The following TEX9 variants were observed in gnomAD, a reference collection of about 807,000 sequenced individuals.
The protein encoded by TEX9 is testis-expressed protein 9.
In TEX9, 74 loss-of-function variants were observed where a neutral mutation model predicts 59.6. That is an observed-to-expected ratio of 1.24 (90% CI 1.03 to 1.51). The LOEUF (loss-of-function observed/expected upper bound fraction) is 1.51, where lower values mean the gene tolerates loss of function less well. Ranked by LOEUF, TEX9 falls within the 40% of genes most tolerant of loss-of-function variation. The pLI, the probability that TEX9 is intolerant of heterozygous loss-of-function variation, is 0.00. For missense variants in TEX9, 522 were observed against 447.8 expected (o/e 1.17, Z -1.49); for synonymous variants, 186 against 152.2 (o/e 1.22, Z -1.64).
At chr15:56,433,605 A>ATAAC (rs1289713447) in intron 12 of TEX9, among the ~76,000 whole-genome samples, 6 of 152,068 alleles carry the variant, frequency 3.9e-5, no homozygotes, top group Non-Finnish European at 7.4e-5. Flanking sequence ...GATTATTATA[A>ATAAC]TAACTTACTT....
intron 1 of TEX9, among the ~76,000 whole-genome samples, chr15:56,309,673 G>A (rs1028824491): frequency 7.8e-6 from 1 of 128,052 alleles, no homozygotes; most frequent in Admixed American, 8.3e-5. Flanking sequence ...AAGCATCTGG[G>A]CCTGGGATTT....
chr15:56,409,846 C>T (rs951078090), intron 9 of TEX9: 6 of 152,252 alleles, frequency 3.9e-5, no homozygotes, highest in Admixed American at 2.6e-4. Flanking sequence ...TGGAAGACTT[C>T]CCTGACCACT....
exon 8 of TEX9, chr15:56,394,169 A>G (rs745990998): frequency 2.5e-6 from 4 of 1,607,666 alleles, no homozygotes; most frequent in Middle Eastern, 1.7e-4. Context: ...TCACAGAAGC[A>G]CAGATCAGAT....
At chr15:56,412,230 G>C (rs2049389121) in intron 9 of TEX9, 72 bp from the exon 10 acceptor site, 1 of 1,416,130 alleles carries the variant, frequency 7.1e-7, no homozygotes, top group East Asian at 2.4e-5. Flanking sequence ...GGATATGGAA[G>C]ATACTGCAAA....
intron 1 of TEX9, among the ~76,000 whole-genome samples, chr15:56,290,470 T>C (rs1211569676): frequency 6.6e-6 from 1 of 152,038 alleles, no homozygotes. Context: ...TTTTTTTCAA[T>C]ACAGGTCTTG....
chr15:56,329,248 G>T (rs1447241463), intron 1 of TEX9, among the ~76,000 whole-genome samples: 1 of 152,108 alleles, frequency 6.6e-6, no homozygotes, highest in Admixed American at 6.6e-5. Context: ...CCTAATGCAG[G>T]TATGGCTTAG....
chr15:56,373,596 C>T (rs111882350), intron 3 of TEX9, 92 bp downstream of exon 3: 12 of 1,014,216 alleles, frequency 1.2e-5, no homozygotes, highest in African/African-American at 1.7e-5. Flanking sequence ...AAACACTAGC[C>T]AAAGCATGTG....
chr15:56,434,446 T>G, intron 12 of TEX9: 1 of 1,525,028 alleles, frequency 6.6e-7, no homozygotes, highest in Non-Finnish European at 8.9e-7. Context: ...TTACACCAGA[T>G]TTATAAGGAA....
rs2682061 is a variant in TEX9 at position 56,271,290 on chromosome 15, A to T, written c.-107+27012A>T. ...GGTATACCAATCAAACGTAGATTTG[A>T]TCTTTTCACATAGTCCCATATTTCT... On this transcript the variant is annotated intron_variant, in intron 1 of 5. Transcript: ENST00000560827. 5.8e-4 allele frequency among the ~76,000 whole-genome samples: 89 copies of T among 152,286 alleles called. 2 individuals are homozygous for T. The highest frequency in any genetic ancestry group is 4.4e-3 in the South Asian group (21 of 4,814).
intron 1 of TEX9, among the ~76,000 whole-genome samples, chr15:56,261,909 G>T (rs1378981265): frequency 6.6e-6 from 1 of 152,180 alleles, no homozygotes; most frequent in East Asian, 1.9e-4. Flanking sequence ...CACTGCTGTG[G>T]CTCACTGGAT....
At chr15:56,277,112 G>A (rs1243443341) in intron 1 of TEX9, among the ~76,000 whole-genome samples, 1 of 152,000 alleles carries the variant, frequency 6.6e-6, no homozygotes, top group Non-Finnish European at 1.5e-5. Context: ...CTCCCATTCT[G>A]TAGGTTGCCT....
chr15:56,249,336 C>T (rs2043950905), intron 1 of TEX9, among the ~76,000 whole-genome samples: 2 of 151,986 alleles, frequency 1.3e-5, no homozygotes, highest in South Asian at 2.1e-4. Flanking sequence ...CCTTAGAATG[C>T]AGTGTCAATG....
exon 10 of TEX9, chr15:56,412,352 T>C: frequency 2.5e-6 from 4 of 1,613,488 alleles, no homozygotes; most frequent in Non-Finnish European, 3.4e-6. Flanking sequence ...GTAGTCAAAG[T>C]GCCACAGAGG....
At chr15:56,274,179 C>T (rs1319177051) in intron 1 of TEX9, among the ~76,000 whole-genome samples, 1 of 152,086 alleles carries the variant, frequency 6.6e-6, no homozygotes, top group Non-Finnish European at 1.5e-5. Flanking sequence ...TATTTACCCA[C>T]CTTTTTTCTT....
chr15:56,329,052 C>G (rs1461287761), intron 1 of TEX9, among the ~76,000 whole-genome samples: 1 of 151,918 alleles, frequency 6.6e-6, no homozygotes. Context: ...TGGTGTCACC[C>G]CACCCCCAGC....
chr15:56,383,959 G>A (rs377373988), exon 4 of TEX9: 25 of 1,609,728 alleles, frequency 1.6e-5, no homozygotes, highest in East Asian at 6.7e-5. Flanking sequence ...AAGAGAGATC[G>A]GCAAGAAGTA....
chr15:56,364,216 C>A (rs188216517), upstream of TEX9, among the ~76,000 whole-genome samples: 1 of 151,772 alleles, frequency 6.6e-6, no homozygotes, highest in South Asian at 2.1e-4. Flanking sequence ...CGCAATGGTG[C>A]AATCTCAGCT....
chr15:56,355,985 A>G (rs774316461), intron 1 of TEX9, among the ~76,000 whole-genome samples: 4 of 152,070 alleles, frequency 2.6e-5, no homozygotes, highest in Non-Finnish European at 4.4e-5. Flanking sequence ...ATTTTTGTAT[A>G]TTGACCTCGC....
chr15:56,412,850 C>G (rs2049431045), intron 10 of TEX9, among the ~76,000 whole-genome samples: 1 of 152,118 alleles, frequency 6.6e-6, no homozygotes, highest in Admixed American at 6.6e-5. Context: ...GAGCATGTAT[C>G]AGAATCTCTG....
Sources: allele counts gnomAD v4.1 joint callset (sites outside exome capture counted in the v4.1 genomes callset), GRCh38; gene constraint gnomAD v4.1.1; transcripts MANE v1.5; gene names NCBI Gene and HGNC (gene_info 2026-07-23, HGNC 2026-07-21).